Variants in JAZF1 observed in about 807,000 individuals in gnomAD.
JAZF1 encodes JAZF zinc finger 1.
JAZF1 carries 8 observed loss-of-function variants against 26.4 expected under a neutral mutation model. The ratio of observed to expected loss-of-function variants is 0.30; its 90% CI spans 0.18 to 0.55. The LOEUF is 0.55. Among genes scored for constraint, JAZF1 ranks in the 20% least tolerant of loss-of-function variants. JAZF1 has a pLI of 0.94. For missense variants in JAZF1, 199 were observed against 322.0 expected (o/e 0.62, Z 2.92); for synonymous variants, 126 against 122.3 (o/e 1.03, Z -0.20).
intron 1 of JAZF1, among the ~76,000 whole-genome samples, chr7:28,022,838 C>A (rs770422574): frequency 6.6e-6 from 1 of 152,198 alleles, no homozygotes; most frequent in Admixed American, 6.5e-5. Flanking sequence ...CTCACTGCAA[C>A]CTCCGCTGCC....
chr7:28,028,743 T>G (rs1730566658), intron 1 of JAZF1, among the ~76,000 whole-genome samples: 1 of 152,214 alleles, frequency 6.6e-6, no homozygotes, highest in Non-Finnish European at 1.5e-5. Flanking sequence ...TCAACCAATA[T>G]GTACTAAGTG....
At chr7:27,994,432 T>C (rs1160501422) in intron 1 of JAZF1, among the ~76,000 whole-genome samples, 7 of 135,580 alleles carry the variant, frequency 5.2e-5, no homozygotes, top group African/African-American at 8.9e-5. Flanking sequence ...AACACCACCC[T>C]CTCCATCACA....
intron 3 of JAZF1, among the ~76,000 whole-genome samples, chr7:27,883,583 CTACT>C (rs1388119661): frequency 2.0e-5 from 3 of 152,334 alleles, no homozygotes. Context: ...AGAAACTGGA[CTACT>C]TAGAGTTTCT....
intron 1 of JAZF1, among the ~76,000 whole-genome samples, chr7:28,024,103 T>C (rs1368500264): frequency 6.6e-6 from 1 of 151,046 alleles, no homozygotes; most frequent in South Asian, 2.1e-4. Context: ...CTGGGCAGCA[T>C]AGCAAGACCC....
At chr7:28,111,278 G>A (rs980646876) in intron 1 of JAZF1, among the ~76,000 whole-genome samples, 2 of 152,146 alleles carry the variant, frequency 1.3e-5, no homozygotes, top group African/African-American at 4.8e-5. Context: ...TCTGGTTATA[G>A]GCACAGAAGT....
intron 2 of JAZF1, among the ~76,000 whole-genome samples, chr7:27,972,854 T>TAC (rs1554279095): frequency 2.0e-5 from 3 of 151,838 alleles, no homozygotes; most frequent in East Asian, 1.9e-4. Context: ...TATATATATA[T>TAC]ACACACACAT....
At chr7:28,108,367 T>C (rs910282647) in intron 1 of JAZF1, among the ~76,000 whole-genome samples, 14 of 152,242 alleles carry the variant, frequency 9.2e-5, no homozygotes, top group African/African-American at 3.4e-4. Context: ...AGCCTCGTCA[T>C]GGTGCTCCTA....
rs1002134009 is a variant in JAZF1, at chr7:27,831,595, A to G, written c.*1205T>C. The G allele has an allele frequency of 1.3e-5, 3 of 226,132 alleles. No individual in the cohort carries two copies. Among genetic ancestry groups the G allele is most frequent in the Admixed American group, 5.7e-5 (1 of 17,528 alleles). The allele number at this position is 226,132 out of a possible 1,614,324, so 14.0% of individuals were successfully genotyped here. On this transcript the variant is annotated 3_prime_UTR_variant, in exon 5 of 5. Transcript: ENST00000283928. ...TGCTGCAAGAAGCACTTAATTGTCA[A>G]TAAGGCTCATTTTCCTATTTCAGCA... is the stretch of plus-strand genomic sequence containing the variant.
chr7:28,014,901 T>G (rs1348831589), intron 1 of JAZF1, among the ~76,000 whole-genome samples: 1 of 152,146 alleles, frequency 6.6e-6, no homozygotes. Flanking sequence ...GCTCACCCAC[T>G]CAACAAGGAT....
intron 1 of JAZF1, among the ~76,000 whole-genome samples, chr7:28,013,387 G>C (rs933191106): frequency 6.6e-6 from 1 of 152,074 alleles, no homozygotes; most frequent in African/African-American, 2.4e-5. Context: ...AAAATAGGAG[G>C]GCCATTCAGG....
intron 2 of JAZF1, among the ~76,000 whole-genome samples, chr7:27,907,348 A>G (rs760969304): frequency 3.3e-5 from 5 of 152,188 alleles, no homozygotes; most frequent in Admixed American, 6.5e-5. Context: ...TGGTATTTCC[A>G]TGGGTGCTGG....
At chr7:27,943,384 C>T (rs969272106) in intron 2 of JAZF1, among the ~76,000 whole-genome samples, 1 of 152,066 alleles carries the variant, frequency 6.6e-6, no homozygotes, top group Non-Finnish European at 1.5e-5. Context: ...TAGACGCCTC[C>T]GCTGCTAGCT....
At chr7:28,036,602 G>T (rs1168574912) in intron 1 of JAZF1, among the ~76,000 whole-genome samples, 4 of 152,172 alleles carry the variant, frequency 2.6e-5, no homozygotes, top group Non-Finnish European at 5.9e-5. Flanking sequence ...AGGACATTTG[G>T]GCTTCCTCAT....
chr7:27,977,503 G>C (rs189311167), intron 2 of JAZF1, among the ~76,000 whole-genome samples: 6 of 152,258 alleles, frequency 3.9e-5, no homozygotes, highest in African/African-American at 1.2e-4. Context: ...GAATGACTAG[G>C]TGTCCACAAA....
At chr7:27,833,617 C>A (rs964003298) in intron 4 of JAZF1, among the ~76,000 whole-genome samples, 2 of 152,218 alleles carry the variant, frequency 1.3e-5, no homozygotes, top group African/African-American at 4.8e-5. Flanking sequence ...TGTAGTCAGA[C>A]TAGTCCTTAC....
chr7:28,055,299 A>G (rs1353967915), intron 1 of JAZF1, among the ~76,000 whole-genome samples: 1 of 152,114 alleles, frequency 6.6e-6, no homozygotes. Flanking sequence ...ATTCCAGGGT[A>G]AAAATCCCTG....
chr7:27,888,683 T>C (rs986876515), intron 3 of JAZF1, among the ~76,000 whole-genome samples: 3 of 152,178 alleles, frequency 2.0e-5, no homozygotes, highest in African/African-American at 7.2e-5. Flanking sequence ...CATAAAGAAA[T>C]GTTTCTTAAA....
chr7:28,053,077 T>C (rs1783641903), intron 1 of JAZF1, among the ~76,000 whole-genome samples: 1 of 152,216 alleles, frequency 6.6e-6, no homozygotes, highest in African/African-American at 2.4e-5. Context: ...TCATAGTACA[T>C]GTCCTTTTGA....
intron 1 of JAZF1, among the ~76,000 whole-genome samples, chr7:28,050,132 T>A (rs1783587287): frequency 6.6e-6 from 1 of 151,964 alleles, no homozygotes; most frequent in South Asian, 2.1e-4. Context: ...ATGGAGGAGC[T>A]CTGTGTCAGG....
Sources: allele counts gnomAD v4.1 joint callset (sites outside exome capture counted in the v4.1 genomes callset), GRCh38; gene constraint gnomAD v4.1.1; transcripts MANE v1.5; gene names NCBI Gene and HGNC (gene_info 2026-07-23, HGNC 2026-07-21).